MCTP1: variants seen among roughly 807,000 people sequenced by gnomAD.
MCTP1 encodes multiple C2 and transmembrane domain-containing protein 1.
Under a neutral mutation model 120.6 loss-of-function variants are expected in MCTP1, and 69 were observed. The observed-to-expected ratio is 0.57, with a 90% CI of 0.47 to 0.70. MCTP1 has a LOEUF of 0.70. Among genes scored for constraint, MCTP1 ranks in the 30% least tolerant of loss-of-function variants. The pLI is 0.00. For synonymous variants in MCTP1, 529 were observed against 493.1 expected, an observed-to-expected ratio of 1.07 and a Z score of -0.96; for missense variants, 1,203 against 1,248.8, an observed-to-expected ratio of 0.96 and a Z score of 0.55.
chr5:95,227,514 A>T (rs932701091), intron 1 of MCTP1, among the ~76,000 whole-genome samples: 4 of 152,244 alleles, frequency 2.6e-5, no homozygotes, highest in African/African-American at 9.6e-5. Flanking sequence ...GCAGTCAAAG[A>T]GAGATCAGAT....
intron 18 of MCTP1, chr5:94,789,050 T>C (rs1778345862): frequency 6.6e-6 from 1 of 152,136 alleles, no homozygotes; most frequent in African/African-American, 2.4e-5. Context: ...AATCAACCAC[T>C]TATGGGAGCA....
At chr5:94,785,951 C>A (rs896956550) in intron 18 of MCTP1, among the ~76,000 whole-genome samples, 7 of 151,868 alleles carry the variant, frequency 4.6e-5, no homozygotes, top group Non-Finnish European at 1.0e-4. Context: ...CACAAGTATG[C>A]AAAATACTAT....
intron 1 of MCTP1, among the ~76,000 whole-genome samples, chr5:95,060,516 A>G (rs979425019): frequency 6.6e-6 from 1 of 152,210 alleles, no homozygotes; most frequent in African/African-American, 2.4e-5. Flanking sequence ...AGTTTTTTTA[A>G]AAAAGGCCAC....
At chr5:94,742,045 A>G (rs1765639642) in intron 19 of MCTP1, among the ~76,000 whole-genome samples, 1 of 152,092 alleles carries the variant, frequency 6.6e-6, no homozygotes. Context: ...ACGACACTGT[A>G]TAAGCCATGA....
intron 19 of MCTP1, among the ~76,000 whole-genome samples, chr5:94,738,637 C>A (rs1055141210): frequency 6.6e-6 from 1 of 152,180 alleles, no homozygotes; most frequent in African/African-American, 2.4e-5. Flanking sequence ...TGATTCATCT[C>A]TCCCTGTTGT....
At chr5:95,194,410 A>T (rs575541566) in intron 1 of MCTP1, among the ~76,000 whole-genome samples, 1 of 152,316 alleles carries the variant, frequency 6.6e-6, no homozygotes, top group East Asian at 1.9e-4. Flanking sequence ...TGAACGGGAA[A>T]CTGAAACTGT....
chr5:94,990,256 T>C (rs1344953356), intron 2 of MCTP1, among the ~76,000 whole-genome samples: 5 of 152,296 alleles, frequency 3.3e-5, no homozygotes, highest in East Asian at 3.9e-4. Context: ...TCACAGAGAA[T>C]TGGAGAATCA....
chr5:95,067,103 G>C (rs1750854832), intron 1 of MCTP1, among the ~76,000 whole-genome samples: 1 of 149,356 alleles, frequency 6.7e-6, no homozygotes, highest in Admixed American at 6.7e-5. Flanking sequence ...TTGAAGTAGA[G>C]AGGAGAATAG....
At chr5:95,132,101 A>T (rs570838907) in intron 1 of MCTP1, among the ~76,000 whole-genome samples, 115 of 152,298 alleles carry the variant, frequency 7.6e-4, no homozygotes, top group African/African-American at 2.7e-3. Flanking sequence ...CTCTTTTCTC[A>T]AGTCAAACCC....
At chr5:94,735,046 T>C (rs1353209546) in intron 19 of MCTP1, among the ~76,000 whole-genome samples, 3 of 152,304 alleles carry the variant, frequency 2.0e-5, no homozygotes, top group Admixed American at 6.5e-5. Context: ...AGTGTATCTG[T>C]AGTATAAACT....
chr5:94,993,844 T>C (rs1004800597), intron 2 of MCTP1, among the ~76,000 whole-genome samples: 2 of 152,218 alleles, frequency 1.3e-5, no homozygotes, highest in African/African-American at 4.8e-5. Flanking sequence ...AATCTTTAAA[T>C]TGGCCTGCAA....
intron 17 of MCTP1, among the ~76,000 whole-genome samples, chr5:94,849,321 G>C (rs545206903): frequency 1.8e-4 from 27 of 152,166 alleles, no homozygotes; most frequent in African/African-American, 6.0e-4. Context: ...GTAATAACAC[G>C]TTAATAGAAC....
intron 1 of MCTP1, among the ~76,000 whole-genome samples, chr5:95,046,458 A>T (rs189083590): frequency 6.6e-6 from 1 of 152,178 alleles, no homozygotes; most frequent in Non-Finnish European, 1.5e-5. Context: ...TCATTATGCT[A>T]ATAGTCTCCC....
chr5:94,750,560 A>G (rs980491456), intron 19 of MCTP1, among the ~76,000 whole-genome samples: 1 of 152,184 alleles, frequency 6.6e-6, no homozygotes, highest in Non-Finnish European at 1.5e-5. Context: ...AGGAAGCTTT[A>G]AGAGCCAGTG....
At chr5:94,965,497 G>C (rs1030622980) in intron 2 of MCTP1, among the ~76,000 whole-genome samples, 1 of 147,340 alleles carries the variant, frequency 6.8e-6, no homozygotes, top group African/African-American at 2.5e-5. Context: ...CCAGAGCTCA[G>C]GGAAGTATTT....
At chr5:95,164,127 C>T (rs1027635223) in intron 1 of MCTP1, among the ~76,000 whole-genome samples, 1 of 152,032 alleles carries the variant, frequency 6.6e-6, no homozygotes, top group Non-Finnish European at 1.5e-5. Context: ...TGATGGTGTT[C>T]CTAGGTTCTG....
chr5:94,916,441 G>A (rs556143849), intron 8 of MCTP1, among the ~76,000 whole-genome samples: 133 of 152,224 alleles, frequency 8.7e-4, no homozygotes, highest in Admixed American at 1.8e-3. Flanking sequence ...ACGGGTGGAG[G>A]GAGGTTGTGT....
chr5:95,009,720 C>T (rs1384967461), intron 2 of MCTP1, among the ~76,000 whole-genome samples: 1 of 152,132 alleles, frequency 6.6e-6, no homozygotes, highest in Admixed American at 6.6e-5. Context: ...CTCAAAGTCA[C>T]ATAGCTAACA....
intron 19 of MCTP1, among the ~76,000 whole-genome samples, chr5:94,752,146 T>TATATATATATATATATATATATATATATA (rs1768602448): frequency 1.3e-4 from 15 of 115,650 alleles, no homozygotes; most frequent in Non-Finnish European, 1.6e-4. Context: ...TATATATATA[T>TATATATATATATATATATATATATATATA]TCAAAATAGC....
Sources: allele counts gnomAD v4.1 joint callset (sites outside exome capture counted in the v4.1 genomes callset), GRCh38; gene constraint gnomAD v4.1.1; transcripts MANE v1.5; gene names NCBI Gene and HGNC (gene_info 2026-07-23, HGNC 2026-07-21).